The following FAM149A variants were observed in gnomAD, a reference collection of about 807,000 sequenced individuals.
The protein encoded by FAM149A is family with sequence similarity 149 member A, also known as protein FAM149A.
A neutral mutation model predicts 78.2 loss-of-function variants in FAM149A; 71 were observed. That is an observed-to-expected ratio of 0.91 (90% CI 0.75 to 1.11). The LOEUF (loss-of-function observed/expected upper bound fraction) is 1.11, where lower values mean the gene tolerates loss of function less well. FAM149A is among the 50% of genes least tolerant of loss of function. FAM149A has a pLI of 0.00. For missense variants in FAM149A, 1,036 were observed against 971.0 expected, an observed-to-expected ratio of 1.07 and a Z score of -0.89; for synonymous variants, 446 against 410.5, an observed-to-expected ratio of 1.09 and a Z score of -1.04.
rs1734848569 is a variant in FAM149A, at chr4:186,164,370, C to G, written c.1889+737C>G. ...GAAGAGGCCCAGCCGGACACACCCACAAGTGCTCTCAGGCTTTAGAGACCA... is the reference window on the plus strand; with the variant it reads ...GAAGAGGCCCAGCCGGACACACCCAGAAGTGCTCTCAGGCTTTAGAGACCA... On this transcript the variant is annotated intron_variant, in intron 10 of 13. Coordinates refer to ENST00000389354, the MANE Select transcript of FAM149A (RefSeq NM_001367768.3). The surrounding 1 kb of genome is among the most constrained non-coding windows in gnomAD (Gnocchi z 4.0). The G allele has an allele frequency of 3.1e-6, 2 of 638,688 alleles. No homozygotes were observed. Among genetic ancestry groups the G allele is most frequent in the African/African-American group, 2.0e-5 (1 of 50,322 alleles). The allele number at this position is 638,688 out of a possible 1,614,324, so 39.6% of individuals were successfully genotyped here.
At position 186,172,101 on chromosome 4, in the gene FAM149A, A is replaced by G. The variant is rs889524243; in HGVS notation, c.*114A>G. ...TGTGTGTCTGACAGTGTGAGATGTTAGACCGAGAGAAAAGCAAACAAATAA... is the reference window on the plus strand; with the variant it reads ...TGTGTGTCTGACAGTGTGAGATGTTGGACCGAGAGAAAAGCAAACAAATAA... On this transcript the variant is annotated 3_prime_UTR_variant, in exon 14 of 14. Transcript: ENST00000389354. The G allele has an allele frequency of 4.7e-5, 68 of 1,435,666 alleles. No homozygotes were observed. The highest frequency in any genetic ancestry group is 6.3e-5 in the Non-Finnish European group (68 of 1,078,874). 88.9% of individuals were successfully genotyped at this position (1,435,666 alleles called of 1,614,324 possible).
chr4:186,141,683 C>T (rs2099325848), intron 1 of FAM149A, among the ~76,000 whole-genome samples: 1 of 152,072 alleles, frequency 6.6e-6, no homozygotes, highest in African/African-American at 2.4e-5. Context: ...TCTCTCTGGG[C>T]AAAACTGAAA....
intron 1 of FAM149A, among the ~76,000 whole-genome samples, chr4:186,136,096 C>G (rs1434563280): frequency 1.3e-5 from 2 of 152,204 alleles, no homozygotes; most frequent in Non-Finnish European, 2.9e-5. Flanking sequence ...CTAGCAATTA[C>G]TACGAAGTCT....
intron 13 of FAM149A, among the ~76,000 whole-genome samples, chr4:186,168,441 C>T (rs1315966004): frequency 6.6e-6 from 1 of 152,192 alleles, no homozygotes; most frequent in Non-Finnish European, 1.5e-5. Context: ...CCGCAACCTC[C>T]ACCTCCCAGG....
chr4:186,125,182 C>A, intron 1 of FAM149A: 1 of 842,116 alleles, frequency 1.2e-6, no homozygotes, highest in Non-Finnish European at 1.4e-6. Context: ...TATTGGAAAT[C>A]CTTGCTGTTG....
intron 1 of FAM149A, among the ~76,000 whole-genome samples, chr4:186,129,724 C>T (rs1579817067): frequency 2.0e-5 from 3 of 152,110 alleles, no homozygotes; most frequent in South Asian, 4.2e-4. Flanking sequence ...AAATACAATC[C>T]TCTTTGAACT....
intron 1 of FAM149A, among the ~76,000 whole-genome samples, chr4:186,129,858 G>A (rs2099319838): frequency 6.6e-6 from 1 of 152,182 alleles, no homozygotes; most frequent in Non-Finnish European, 1.5e-5. Context: ...CTAAAAGGAA[G>A]CTGATGTATC....
At chr4:186,116,732 G>A (rs903524626) in intron 1 of FAM149A, 32 of 978,280 alleles carry the variant, frequency 3.3e-5, no homozygotes, top group Non-Finnish European at 3.9e-5. Flanking sequence ...TGAGTAGCTG[G>A]GATATATTTA....
chr4:186,165,344 G>C lies in FAM149A; in HGVS notation c.1890G>C (p.Leu630=). ...TCAGTGACATGATGATGTGTTGCAG[G>C]CCGACTGGCGTGGACCACATGGCTT... The change falls in exon 11 of 14, where the codon CTG becomes CTC. Residue 630 remains leucine, a splice_region_variant and synonymous_variant. Transcript: ENST00000389354. The C allele has an allele frequency of 6.2e-7, 1 of 1,614,206 alleles. No individual in the cohort carries two copies. The highest frequency in any genetic ancestry group is 8.5e-7 in the Non-Finnish European group (1 of 1,180,038).
In FAM149A at chr4:186,104,981, C is replaced by T. The variant is rs1384820530; in HGVS notation, c.-96C>T. 3 of 1,214,376 alleles carry T rather than the reference C, an allele frequency of 2.5e-6. No individual in the cohort carries two copies. The African/African-American group carries it at 5.0e-5, about 20-fold the overall frequency. 75.2% of individuals were successfully genotyped at this position (1,214,376 alleles called of 1,614,324 possible). On this transcript the variant is annotated 5_prime_UTR_variant, in exon 1 of 14. Transcript: ENST00000389354. The stretch of plus-strand genomic sequence containing the variant: ...GCCTCCGGGGCTCCGGGTGCGGGGA[C>T]CTCAGGCTCCTCGCCCCGGCCCGGG...
intron 8 of FAM149A, among the ~76,000 whole-genome samples, chr4:186,160,411 C>G (rs111066893): frequency 0.017 from 2,427 of 146,058 alleles, 55 homozygotes; most frequent in African/African-American, 0.049. Context: ...GCACACACCC[C>G]CCACATAAAC....
intron 1 of FAM149A, chr4:186,146,686 T>C: frequency 2.6e-6 from 2 of 758,362 alleles, no homozygotes; most frequent in African/African-American, 3.8e-5. Context: ...GATGCTCCGT[T>C]TGGCGGTGAA....
chr4:186,164,285 T>C lies in FAM149A; in HGVS notation c.1889+652T>C. 6.4e-6 allele frequency: 1 copy of C among 157,232 alleles called. No homozygotes were observed. The highest frequency in any genetic ancestry group is 1.4e-5 in the Non-Finnish European group (1 of 72,450). 9.7% of individuals were successfully genotyped at this position (157,232 alleles called of 1,614,324 possible). On this transcript the variant is annotated intron_variant, in intron 10 of 13. Transcript: ENST00000389354. The surrounding 1 kb of genome is among the most constrained non-coding windows in gnomAD (Gnocchi z 4.0). ...CAAAACTTTATATTGTTGGGACTCA[T>C]ACTATCCCAAATCTGAGATGAGGGA... is the stretch of plus-strand genomic sequence containing the variant.
At chr4:186,113,397 C>G (rs28880400) in intron 1 of FAM149A, among the ~76,000 whole-genome samples, 28,532 of 29,596 alleles carry the variant, frequency 0.96, 13,909 homozygotes, top group East Asian at 1. Flanking sequence ...ATTTCCTTCA[C>G]TTCTGCTCTG....
At chr4:186,105,919 A>T (rs2099308572) in intron 1 of FAM149A, among the ~76,000 whole-genome samples, 1 of 152,156 alleles carries the variant, frequency 6.6e-6, no homozygotes, top group South Asian at 2.1e-4. Flanking sequence ...CTTCTACCAG[A>T]AGCATTGCTA....
chr4:186,153,521 C>T, intron 4 of FAM149A, 124 bp from the exon 5 acceptor site: 1 of 1,481,116 alleles, frequency 6.8e-7, no homozygotes, highest in Non-Finnish European at 9.1e-7. Flanking sequence ...TGATGCTTCC[C>T]ACGTTCCCAT....
Position 186,163,448 on chromosome 4 carries a change from G to C in FAM149A, c.1704G>C (p.Ser568=). 6.2e-7 allele frequency: 1 copy of C among 1,613,784 alleles called. No homozygotes were observed. The highest frequency in any genetic ancestry group is 8.5e-7 in the Non-Finnish European group (1 of 1,179,978). The change falls in exon 10 of 14, where the codon TCG becomes TCC. Residue 568 remains serine (S), a synonymous_variant. Coordinates refer to ENST00000389354, the MANE Select transcript of FAM149A (RefSeq NM_001367768.3). ...GGAATGAGAAGGAGGACAAAGCATC[G>C]GGTGGAGGGGCAGGTGCTCTCTCCT...
chr4:186,125,486 C>T (rs541138072), intron 1 of FAM149A: 74 of 384,160 alleles, frequency 1.9e-4, no homozygotes, highest in African/African-American at 1.4e-3. Flanking sequence ...GAAGATAGTC[C>T]GTCCGTCAGC....
chr4:186,153,140 C>T (rs1325522924), intron 4 of FAM149A: 1 of 375,142 alleles, frequency 2.7e-6, no homozygotes, highest in Non-Finnish European at 3.7e-6. Context: ...ACCAGAAATT[C>T]GGGAGCTCAC....
Sources: allele counts gnomAD v4.1 joint callset (sites outside exome capture counted in the v4.1 genomes callset), GRCh38; gene constraint gnomAD v4.1.1; non-coding constraint Gnocchi (gnomAD v3.1); transcripts MANE v1.5; gene names NCBI Gene and HGNC (gene_info 2026-07-23, HGNC 2026-07-21).